The following MCTP2 variants were observed in gnomAD, a reference collection of about 807,000 sequenced individuals.
The protein encoded by MCTP2 is multiple C2 and transmembrane domain-containing protein 2.
MCTP2 carries 132 observed loss-of-function variants against 111.6 expected under a neutral mutation model. The ratio of observed to expected loss-of-function variants is 1.18; its 90% confidence interval spans 1.03 to 1.37. MCTP2 has a LOEUF of 1.37. Ranked by LOEUF, MCTP2 falls within the 40% of genes most tolerant of loss-of-function variation. The pLI is 0.00. For missense variants in MCTP2, 1,183 were observed against 1,067.9 expected (o/e 1.11, Z -1.50); for synonymous variants, 395 against 387.7 (o/e 1.02, Z -0.22).
chr15:94,472,374 C>T (rs2073999014), intron 21 of MCTP2, among the ~76,000 whole-genome samples: 1 of 152,202 alleles, frequency 6.6e-6, no homozygotes, highest in Non-Finnish European at 1.5e-5. Flanking sequence ...AAGACTCCGT[C>T]TCAAAATCAA....
chr15:94,467,524 T>C (rs1007742449), intron 20 of MCTP2, among the ~76,000 whole-genome samples: 11 of 151,968 alleles, frequency 7.2e-5, no homozygotes, highest in African/African-American at 2.7e-4. Flanking sequence ...AGCCCGCGGG[T>C]TGGGGTTGGG....
intron 2 of MCTP2, among the ~76,000 whole-genome samples, chr15:94,305,997 C>T (rs544380274): frequency 1.4e-4 from 22 of 152,126 alleles, no homozygotes; most frequent in East Asian, 3.9e-4. Flanking sequence ...AAAATGCATA[C>T]GGTCTATTCT....
intron 17 of MCTP2, among the ~76,000 whole-genome samples, chr15:94,421,699 C>T (rs189267566): frequency 9.5e-4 from 144 of 152,306 alleles, no homozygotes; most frequent in African/African-American, 3.2e-3. Flanking sequence ...CTGCTTCCCT[C>T]TTCAACTTTT....
intron 1 of MCTP2, among the ~76,000 whole-genome samples, chr15:94,258,186 C>T (rs998403073): frequency 1.3e-5 from 2 of 151,982 alleles, no homozygotes; most frequent in African/African-American, 2.4e-5. Context: ...ACATATTGAA[C>T]ATTTATGTGC....
intron 22 of MCTP2, among the ~76,000 whole-genome samples, chr15:94,477,954 C>G (rs1417517084): frequency 9.2e-5 from 14 of 152,160 alleles, no homozygotes; most frequent in Admixed American, 9.2e-4. Context: ...TCGCAAAACA[C>G]CATAAGGAAT....
At chr15:94,402,363 T>C in intron 17 of MCTP2, 2 of 1,475,652 alleles carry the variant, frequency 1.4e-6, no homozygotes, top group East Asian at 5.0e-5. Flanking sequence ...CAGGACTAAA[T>C]AATAACTGAA....
At chr15:94,272,823 C>G (rs1260334247) in intron 1 of MCTP2, among the ~76,000 whole-genome samples, 2 of 152,100 alleles carry the variant, frequency 1.3e-5, no homozygotes, top group Non-Finnish European at 2.9e-5. Context: ...TTCTTTAAGG[C>G]TAATCGTCAT....
intron 2 of MCTP2, among the ~76,000 whole-genome samples, chr15:94,313,679 C>A (rs294556): frequency 6.6e-6 from 1 of 151,260 alleles, no homozygotes; most frequent in African/African-American, 2.4e-5. Flanking sequence ...CCAGCCTGGG[C>A]GACAGAGTGA....
At chr15:94,366,335 T>C (rs2079183597) in intron 10 of MCTP2, among the ~76,000 whole-genome samples, 1 of 152,232 alleles carries the variant, frequency 6.6e-6, no homozygotes, top group South Asian at 2.1e-4. Flanking sequence ...TCACTTTTGA[T>C]AAATAGGAAA....
chr15:94,298,775 T>TCTCTCTTTCC, intron 2 of MCTP2, 45 bp downstream of exon 2: 2 of 1,320,522 alleles, frequency 1.5e-6, no homozygotes, highest in South Asian at 2.8e-5. Context: ...TCTCTCTCTC[T>TCTCTCTTTCC]CTCTCTTTCC....
At chr15:94,325,087 G>C (rs2076797678) in intron 4 of MCTP2, among the ~76,000 whole-genome samples, 1 of 152,200 alleles carries the variant, frequency 6.6e-6, no homozygotes, top group South Asian at 2.1e-4. Flanking sequence ...ACATCATTTT[G>C]TTTTGTGTCA....
chr15:94,245,317 TATATTTACATACATATGTGTAG>T (rs1230297694), intron 1 of MCTP2, among the ~76,000 whole-genome samples: 2 of 142,162 alleles, frequency 1.4e-5, no homozygotes, highest in African/African-American at 2.5e-5. Context: ...TATATGTACA[TATATTTACATACATATGTGTAG>T]ATATTTACAT....
chr15:94,306,348 A>G (rs1447992717), intron 2 of MCTP2, among the ~76,000 whole-genome samples: 1 of 152,184 alleles, frequency 6.6e-6, no homozygotes, highest in African/African-American at 2.4e-5. Context: ...TATTTTTAAC[A>G]TTGCTTATTT....
At chr15:94,262,116 A>G (rs914426841) in intron 1 of MCTP2, among the ~76,000 whole-genome samples, 3 of 152,206 alleles carry the variant, frequency 2.0e-5, no homozygotes, top group East Asian at 1.9e-4. Context: ...TTATCTTTAA[A>G]TAATTAAAAA....
chr15:94,241,088 A>C (rs773786580), intron 1 of MCTP2, among the ~76,000 whole-genome samples: 1 of 152,060 alleles, frequency 6.6e-6, no homozygotes, highest in Admixed American at 6.6e-5. Context: ...TACTTCTCTG[A>C]ATACTCCACT....
At chr15:94,245,268 GTATA>G (rs1284908009) in intron 1 of MCTP2, among the ~76,000 whole-genome samples, 2 of 132,844 alleles carry the variant, frequency 1.5e-5, no homozygotes, top group Non-Finnish European at 3.3e-5. Flanking sequence ...ATACATATGT[GTATA>G]TACGTATATA....
chr15:94,410,136 C>T (rs148023220), intron 17 of MCTP2, among the ~76,000 whole-genome samples: 6 of 152,262 alleles, frequency 3.9e-5, no homozygotes, highest in African/African-American at 1.4e-4. Flanking sequence ...GTAGGAATTA[C>T]TGCTATCTGA....
At chr15:94,262,793 C>G (rs1293651754) in intron 1 of MCTP2, among the ~76,000 whole-genome samples, 1 of 152,000 alleles carries the variant, frequency 6.6e-6, no homozygotes, top group African/African-American at 2.4e-5. Context: ...GCCTCAGCCT[C>G]CTGAGTAGCT....
At chr15:94,360,049 A>G (rs969584759) in intron 10 of MCTP2, among the ~76,000 whole-genome samples, 4 of 152,168 alleles carry the variant, frequency 2.6e-5, no homozygotes, top group Admixed American at 6.5e-5. Context: ...ACACAAGCAT[A>G]TGTGTGCACA....
Sources: allele counts gnomAD v4.1 joint callset (sites outside exome capture counted in the v4.1 genomes callset), GRCh38; gene constraint gnomAD v4.1.1; transcripts MANE v1.5; gene names NCBI Gene and HGNC (gene_info 2026-07-23, HGNC 2026-07-21).